Variants in CPM observed in about 807,000 individuals in gnomAD.
CPM encodes the protein carboxypeptidase M.
Under a neutral mutation model 46.4 loss-of-function variants are expected in CPM, and 35 were observed. The observed-to-expected ratio is 0.75, with a 90% confidence interval of 0.58 to 1.00. CPM has a LOEUF of 1.00. Among genes scored for constraint, CPM ranks in the 50% least tolerant of loss-of-function variants. The pLI is 0.00. For missense variants in CPM, 422 were observed against 530.4 expected, an observed-to-expected ratio of 0.80 and a Z score of 2.01; for synonymous variants, 195 against 195.3, an observed-to-expected ratio of 1.00 and a Z score of 0.01.
intron 1 of CPM, 108 bp downstream of exon 1, chr12:68,933,034 G>A: frequency 1.9e-6 from 1 of 524,588 alleles, no homozygotes; most frequent in Admixed American, 3.3e-5. Flanking sequence ...GGGCAGCCTC[G>A]GTGCCCTCGA....
At chr12:68,927,632 C>T (rs1888325363) in intron 2 of CPM, among the ~76,000 whole-genome samples, 2 of 152,106 alleles carry the variant, frequency 1.3e-5, no homozygotes, top group Non-Finnish European at 2.9e-5. Flanking sequence ...GACATGAAGT[C>T]CTTGCCCGTG....
chr12:68,908,662 A>G (rs1887453137), intron 2 of CPM, among the ~76,000 whole-genome samples: 1 of 152,250 alleles, frequency 6.6e-6, no homozygotes, highest in Non-Finnish European at 1.5e-5. Flanking sequence ...CATAAAAACT[A>G]AAACCATAAA....
intron 1 of CPM, chr12:68,957,790 C>T (rs1489836302): frequency 6.6e-6 from 1 of 152,054 alleles, no homozygotes; most frequent in Non-Finnish European, 1.5e-5. Context: ...TTGCTGCACC[C>T]ATCAACTCAT....
At chr12:68,857,387 C>T (rs1027342980) in intron 8 of CPM, among the ~76,000 whole-genome samples, 1 of 152,120 alleles carries the variant, frequency 6.6e-6, no homozygotes, top group Admixed American at 6.5e-5. Flanking sequence ...GTCTTGAACT[C>T]CTGACCTCAA....
chr12:68,939,850 A>G (rs1195549040), intron 1 of CPM, among the ~76,000 whole-genome samples: 24 of 152,182 alleles, frequency 1.6e-4, no homozygotes, highest in Admixed American at 1.5e-3. Context: ...CCAATTTCAT[A>G]GATAAAAATG....
At chr12:68,871,611 C>T (rs1885698416) in intron 4 of CPM, 173 bp downstream of exon 4, 3 of 677,748 alleles carry the variant, frequency 4.4e-6, no homozygotes, top group Admixed American at 2.8e-5. Flanking sequence ...GCATTTCTTC[C>T]TGCAAGCCGG....
intron 3 of CPM, among the ~76,000 whole-genome samples, chr12:68,883,096 C>G (rs917397807): frequency 6.6e-6 from 1 of 152,214 alleles, no homozygotes; most frequent in East Asian, 1.9e-4. Context: ...CCCTGCCACT[C>G]AGTGTGTATG....
At chr12:68,892,474 T>G (rs1019807854) in intron 2 of CPM, among the ~76,000 whole-genome samples, 3 of 152,180 alleles carry the variant, frequency 2.0e-5, no homozygotes, top group Non-Finnish European at 2.9e-5. Flanking sequence ...CCCAGAGCTG[T>G]GGAATGTGGA....
Position 68,926,303 on chromosome 12 carries a change from G to A in CPM, c.160+6375C>T, listed in dbSNP as rs1215992399. On this transcript the variant is annotated intron_variant, in intron 2 of 8. Transcript: ENST00000551568. ...ATGTAATCAATATAAAACATTATTA[G>A]TGAAATATTTTCCTTTTTTGTATTA... 3.3e-5 allele frequency among the ~76,000 whole-genome samples: 5 copies of A among 152,002 alleles called. No individual in the cohort carries two copies. The East Asian group carries it at 9.6e-4, about 29-fold the overall frequency.
intron 5 of CPM, 26 bp from the exon 6 acceptor site, chr12:68,869,521 C>G: frequency 3.2e-6 from 5 of 1,578,292 alleles, no homozygotes; most frequent in Non-Finnish European, 4.3e-6. Context: ...GAACCAAGAC[C>G]TTTAAACTGA....
chr12:68,962,185 G>C (rs1889131895), intron 1 of CPM, among the ~76,000 whole-genome samples: 1 of 134,424 alleles, frequency 7.4e-6, no homozygotes, highest in Non-Finnish European at 1.6e-5. Flanking sequence ...GGGCGACAGA[G>C]CGAGACTCCA....
intron 3 of CPM, among the ~76,000 whole-genome samples, chr12:68,883,083 C>A (rs571742747): frequency 2.6e-5 from 4 of 152,256 alleles, no homozygotes; most frequent in South Asian, 2.1e-4. Flanking sequence ...CCAATTCTGT[C>A]CACCCTGCCA....
At chr12:68,934,086 A>G (rs1354824114), upstream of CPM, among the ~76,000 whole-genome samples, 3 of 151,916 alleles carry the variant, frequency 2.0e-5, no homozygotes, top group Non-Finnish European at 4.4e-5. Flanking sequence ...ATTCATTCTC[A>G]TTCATTCTCT....
intron 2 of CPM, among the ~76,000 whole-genome samples, chr12:68,919,325 T>C (rs1449521544): frequency 6.6e-6 from 1 of 152,234 alleles, no homozygotes; most frequent in African/African-American, 2.4e-5. Context: ...TACTAAACTA[T>C]GTATTTGCTT....
chr12:68,931,267 T>C (rs1888487038), intron 2 of CPM, among the ~76,000 whole-genome samples: 1 of 152,128 alleles, frequency 6.6e-6, no homozygotes. Context: ...TGATGAAGAA[T>C]ATGGTAATTA....
intron 7 of CPM, among the ~76,000 whole-genome samples, chr12:68,866,392 G>A (rs1885445667): frequency 6.6e-6 from 1 of 152,118 alleles, no homozygotes; most frequent in Admixed American, 6.6e-5. Flanking sequence ...GGAGTACATT[G>A]GCACCATCTT....
chr12:68,885,815 C>G lies in CPM; in HGVS notation c.235G>C (p.Val79Leu). The change falls in exon 3 of 9, where the codon GTG becomes CTG. Residue 79 changes from valine to leucine, a missense_variant. Val to Leu is a conservative substitution (Grantham distance 32). Transcript: ENST00000551568. The stretch of plus-strand genomic sequence containing the variant: ...ACCTCATCTCCATGCATATTTGCCA[C>G]GTATTTGAACTCTGGAATCCCAATT... The part of the protein sequence containing the change: ...HRIGIPEFKY[V>L]ANMHGDETVG... 6.2e-7 allele frequency: 1 copy of G among 1,614,060 alleles called. No homozygotes were observed. Among genetic ancestry groups the G allele is most frequent in the Non-Finnish European group, 8.5e-7 (1 of 1,179,976 alleles).
At chr12:68,923,546 T>C (rs1888127983) in intron 2 of CPM, among the ~76,000 whole-genome samples, 1 of 152,168 alleles carries the variant, frequency 6.6e-6, no homozygotes, top group African/African-American at 2.4e-5. Flanking sequence ...TATCCAATAT[T>C]TTGCAACTTC....
At chr12:68,884,111 A>G (rs933753888) in intron 3 of CPM, among the ~76,000 whole-genome samples, 7 of 7,604 alleles carry the variant, frequency 9.2e-4, no homozygotes, top group East Asian at 8.5e-3. Flanking sequence ...ATTCCATCGG[A>G]AAAAAAAAAA....
Sources: allele counts gnomAD v4.1 joint callset (sites outside exome capture counted in the v4.1 genomes callset), GRCh38; gene constraint gnomAD v4.1.1; transcripts MANE v1.5; gene names NCBI Gene and HGNC (gene_info 2026-07-23, HGNC 2026-07-21).